The following MRGPRX3 variants were observed in gnomAD, a reference collection of about 807,000 sequenced individuals.
MRGPRX3 encodes MAS related GPR family member X3.
Under a neutral mutation model 16.5 loss-of-function variants are expected in MRGPRX3, and 14 were observed. The ratio of observed to expected loss-of-function variants is 0.85; its 90% CI spans 0.56 to 1.33. The LOEUF (loss-of-function observed/expected upper bound fraction) is 1.33, where lower values mean the gene tolerates loss of function less well. MRGPRX3 is among the 40% of genes most tolerant of loss of function. The pLI is 0.00. For synonymous variants in MRGPRX3, 199 were observed against 180.1 expected (o/e 1.10, Z -0.84); for missense variants, 449 against 413.0 (o/e 1.09, Z -0.76).
intron 1 of MRGPRX3, among the ~76,000 whole-genome samples, chr11:18,135,208 A>C (rs764920949): frequency 6.6e-6 from 1 of 152,204 alleles, no homozygotes; most frequent in African/African-American, 2.4e-5. Context: ...AAAGAACATC[A>C]TAGCATGTTA....
upstream of MRGPRX3, among the ~76,000 whole-genome samples, chr11:18,128,675 T>A (rs1848927846): frequency 6.6e-6 from 1 of 152,222 alleles, no homozygotes; most frequent in South Asian, 2.1e-4. Context: ...GTGCCGTCTG[T>A]CACTCCTTTT....
chr11:18,130,712 A>AC (rs1554906744), upstream of MRGPRX3, among the ~76,000 whole-genome samples: 19 of 148,200 alleles, frequency 1.3e-4, no homozygotes, highest in African/African-American at 2.7e-4. Context: ...AAAAAAAAAA[A>AC]CCCGCATAGC....
intron 1 of MRGPRX3, among the ~76,000 whole-genome samples, chr11:18,124,830 G>T (rs1413415105): frequency 2.0e-5 from 3 of 152,122 alleles, no homozygotes; most frequent in Non-Finnish European, 4.4e-5. Flanking sequence ...GACTTCTTTT[G>T]GTTGGTAAGA....
Position 18,137,314 on chromosome 11 carries a change from T to C in MRGPRX3, c.112T>C (p.Ser38Pro), listed in dbSNP as rs1849017106. ...CTTCACGGGGCTGACGTGCATCGTTTCCCTTGTCGCGCTGACAGGAAACGC... is the reference window on the plus strand; with the variant it reads ...CTTCACGGGGCTGACGTGCATCGTTCCCCTTGTCGCGCTGACAGGAAACGC... ...LSFTGLTCIV[S>P]LVALTGNAVV... The change falls in exon 2 of 2, where the codon TCC (serine) becomes CCC (proline). Residue 38 changes from serine to proline, a missense_variant. Ser to Pro is a moderately conservative substitution (Grantham distance 74). Transcript: ENST00000621697. The C allele has an allele frequency of 6.2e-7, 1 of 1,614,142 alleles. No individual in the cohort carries two copies. The highest frequency in any genetic ancestry group is 8.5e-7 in the Non-Finnish European group (1 of 1,180,036).
At position 18,137,218 on chromosome 11, in the gene MRGPRX3, C is replaced by G. The variant is rs754009138; in HGVS notation, c.16C>G (p.Pro6Ala). The G allele has an allele frequency of 1.9e-6, 3 of 1,597,854 alleles. No individual in the cohort carries two copies. The highest frequency in any genetic ancestry group is 2.7e-5 in the African/African-American group (2 of 74,748). Residue 6 changes from proline to alanine, a missense_variant, in exon 2 of 2, where the codon CCA (proline) becomes GCA (alanine). Transcript: ENST00000621697. The part of the protein sequence containing the change: MDSTI[P>A]VLGTELTPIN... Reference sequence around the variant, plus strand: ...GTTTCTGAGCATGGATTCAACCATCCCAGTCTTGGGTACAGAACTGACACC... The same window carrying G: ...GTTTCTGAGCATGGATTCAACCATCGCAGTCTTGGGTACAGAACTGACACC...
intron 1 of MRGPRX3, among the ~76,000 whole-genome samples, chr11:18,135,551 C>A (rs1203724110): frequency 6.6e-6 from 1 of 152,178 alleles, no homozygotes; most frequent in Non-Finnish European, 1.5e-5. Flanking sequence ...CCAGAGCAAA[C>A]GTGGCCTCTG....
chr11:18,131,350 C>A (rs947561172), upstream of MRGPRX3, among the ~76,000 whole-genome samples: 1 of 151,936 alleles, frequency 6.6e-6, no homozygotes, highest in African/African-American at 2.4e-5. Context: ...AGAAAGCAAA[C>A]AATCCCATGA....
chr11:18,136,819 G>C (rs1229185058), intron 1 of MRGPRX3, among the ~76,000 whole-genome samples: 2 of 152,132 alleles, frequency 1.3e-5, no homozygotes, highest in Non-Finnish European at 2.9e-5. Context: ...GGTCATGAGG[G>C]TGTCACAACC....
At chr11:18,134,510 A>C (rs1426591355) in intron 1 of MRGPRX3, among the ~76,000 whole-genome samples, 1 of 152,248 alleles carries the variant, frequency 6.6e-6, no homozygotes, top group African/African-American at 2.4e-5. Flanking sequence ...AAGTGCATAG[A>C]GTATATACAA....
At chr11:18,121,355 G>A (rs1848833629) in intron 1 of MRGPRX3, among the ~76,000 whole-genome samples, 4 of 151,628 alleles carry the variant, frequency 2.6e-5, no homozygotes, top group South Asian at 2.1e-4. Flanking sequence ...CTGGCCAGCC[G>A]CCCCGTCCGG....
At chr11:18,133,023 C>T (rs1366391361) in intron 1 of MRGPRX3, among the ~76,000 whole-genome samples, 1 of 152,180 alleles carries the variant, frequency 6.6e-6, no homozygotes, top group African/African-American at 2.4e-5. Context: ...ATTCATTTAA[C>T]GAGCAAGGGG....
upstream of MRGPRX3, among the ~76,000 whole-genome samples, chr11:18,131,210 T>C (rs189881208): frequency 3.2e-4 from 48 of 152,256 alleles, no homozygotes; most frequent in Admixed American, 5.2e-4. Context: ...AAAAAGCTTT[T>C]GCGCAGCAAA....
At position 18,137,497 on chromosome 11, in the gene MRGPRX3, A is replaced by G. The variant is rs1849021246; in HGVS notation, c.295A>G (p.Ser99Gly). The change falls in exon 2 of 2, where the codon AGT (serine) becomes GGT (glycine). Residue 99 changes from serine (S) to glycine (G), a missense_variant. Coordinates refer to ENST00000621697, the MANE Select transcript of MRGPRX3 (RefSeq NM_001370464.1). ...NIRHPISKIL[S>G]PVMTFPYFIG... ...CCGCCATCCCATCTCCAAAATCCTC[A>G]GTCCTGTGATGACCTTTCCCTACTT... is the stretch of plus-strand genomic sequence containing the variant. 1.2e-6 allele frequency: 2 copies of G among 1,613,824 alleles called. No individual in the cohort carries two copies. The highest frequency in any genetic ancestry group is 2.7e-5 in the African/African-American group (2 of 74,832).
chr11:18,135,183 C>A (rs1008832322), intron 1 of MRGPRX3, among the ~76,000 whole-genome samples: 1 of 152,098 alleles, frequency 6.6e-6, no homozygotes, highest in African/African-American at 2.4e-5. Context: ...GAGGATAATA[C>A]CATAGACAGT....
At chr11:18,124,118 A>G (rs1362960687) in intron 1 of MRGPRX3, among the ~76,000 whole-genome samples, 4 of 152,198 alleles carry the variant, frequency 2.6e-5, no homozygotes, top group African/African-American at 9.7e-5. Flanking sequence ...TAAATATACA[A>G]TCATGTCATC....
chr11:18,134,919 GA>G (rs1454249471), intron 1 of MRGPRX3, among the ~76,000 whole-genome samples: 8 of 152,198 alleles, frequency 5.3e-5, no homozygotes, highest in Non-Finnish European at 8.8e-5. Flanking sequence ...TACATTCTCA[GA>G]AAGGTTATGT....
upstream of MRGPRX3, among the ~76,000 whole-genome samples, chr11:18,130,553 A>G (rs1590305352): frequency 6.6e-6 from 1 of 152,248 alleles, no homozygotes; most frequent in East Asian, 1.9e-4. Flanking sequence ...TCCCATGCTC[A>G]TGGATGGGTA....
At chr11:18,124,101 G>C (rs1009140383) in intron 1 of MRGPRX3, among the ~76,000 whole-genome samples, 1 of 152,286 alleles carries the variant, frequency 6.6e-6, no homozygotes, top group East Asian at 1.9e-4. Context: ...GAGACGATGA[G>C]GTTTTCTAAA....
At chr11:18,131,486 C>G (rs1031119746), upstream of MRGPRX3, among the ~76,000 whole-genome samples, 1 of 152,078 alleles carries the variant, frequency 6.6e-6, no homozygotes, top group Admixed American at 6.5e-5. Flanking sequence ...TAATGCGATA[C>G]CACCTTACTC....
Sources: allele counts gnomAD v4.1 joint callset (sites outside exome capture counted in the v4.1 genomes callset), GRCh38; gene constraint gnomAD v4.1.1; transcripts MANE v1.5; gene names NCBI Gene and HGNC (gene_info 2026-07-23, HGNC 2026-07-21).